Variants in GSDME observed in about 807,000 individuals in gnomAD.
GSDME encodes the protein gasdermin-E.
GSDME carries 44 observed loss-of-function variants against 47.5 expected under a neutral mutation model. The observed-to-expected ratio is 0.93, with a 90% CI of 0.73 to 1.19. The LOEUF is 1.19. Among genes scored for constraint, GSDME ranks in the 50% most tolerant of loss-of-function variants. GSDME has a pLI of 0.00. For synonymous variants in GSDME, 258 were observed against 252.8 expected (o/e 1.02, Z -0.20); for missense variants, 663 against 604.2 (o/e 1.10, Z -1.02).
At chr7:24,782,182 C>T in the GSDME span, among the ~76,000 whole-genome samples, 7 of 151,992 alleles carry the variant, frequency 4.6e-5, no homozygotes, top group South Asian at 1.0e-3. Context: ...TCGTCATTTA[C>T]GTTAGGTATA....
At chr7:24,748,037 T>C (rs1310729916) in intron 2 of GSDME, among the ~76,000 whole-genome samples, 2 of 151,882 alleles carry the variant, frequency 1.3e-5, no homozygotes, top group African/African-American at 4.8e-5. Flanking sequence ...CAAAGGAATA[T>C]TATGTGTTTG....
At chr7:24,713,213 G>T (rs1260051581) in intron 5 of GSDME, among the ~76,000 whole-genome samples, 1 of 152,162 alleles carries the variant, frequency 6.6e-6, no homozygotes, top group Non-Finnish European at 1.5e-5. Flanking sequence ...CAGGAACTCA[G>T]CAAGGCCTGT....
the GSDME span, among the ~76,000 whole-genome samples, chr7:24,793,928 G>A: frequency 6.6e-6 from 1 of 152,110 alleles, no homozygotes; most frequent in East Asian, 1.9e-4. Context: ...GCCATCCACG[G>A]GTTACTGGGT....
rs572650925 is a variant in GSDME at position 24,704,505 on chromosome 7, A to G, written c.1184-1672T>C. On this transcript the variant is annotated intron_variant, in intron 8 of 9. Transcript: ENST00000645220. ...GGGCGGAGGATTAGCAAGAGCACAAATGGAAGGGCTGTATGCCAGCCTGGC... is the reference window on the plus strand; with the variant it reads ...GGGCGGAGGATTAGCAAGAGCACAAGTGGAAGGGCTGTATGCCAGCCTGGC... 7.2e-5 allele frequency: 11 copies of G among 152,336 alleles called. No individual in the cohort carries two copies. The South Asian group carries it at 2.3e-3, about 32-fold the overall frequency. 9.4% of individuals were successfully genotyped at this position (152,336 alleles called of 1,614,324 possible). A position where few individuals can be genotyped will look rare whatever the true frequency, so the allele number is the denominator to read the frequency against.
At chr7:24,702,292 C>G (rs1189996034) in intron 9 of GSDME, 2 of 242,540 alleles carry the variant, frequency 8.2e-6, no homozygotes, top group African/African-American at 2.2e-5. Flanking sequence ...GGGCACCAAG[C>G]TAACGATATT....
chr7:24,757,039 G>A lies in GSDME; in HGVS notation c.-20+357C>T, dbSNP rs1192687059. Among the ~76,000 whole-genome samples, 1 of 151,084 alleles carries A rather than the reference G, an allele frequency of 6.6e-6. No individual in the cohort carries two copies. Among genetic ancestry groups the A allele is most frequent in the Admixed American group, 6.6e-5 (1 of 15,176 alleles). On this transcript the variant is annotated intron_variant, in intron 1 of 9. Transcript: ENST00000645220. This position sits in a 1 kb window ranked among gnomAD's most constrained non-coding sequence, Gnocchi z 5.9. Reference sequence around the variant, plus strand: ...ATGAACGAATGGGGAGGGGGGGTTTGGGGGGTTGGGAGAACGAAAATACCA... The same window carrying A: ...ATGAACGAATGGGGAGGGGGGGTTTAGGGGGTTGGGAGAACGAAAATACCA...
the GSDME span, among the ~76,000 whole-genome samples, chr7:24,794,346 C>T: frequency 2.7e-5 from 4 of 150,736 alleles, no homozygotes; most frequent in Non-Finnish European, 5.9e-5. Flanking sequence ...CTTGCCTCTG[C>T]CAGCCGCTTA....
chr7:24,707,874 A>G, intron 7 of GSDME: 6 of 579,532 alleles, frequency 1.0e-5, no homozygotes, highest in Admixed American at 3.1e-5. Flanking sequence ...GGGCTCCAAA[A>G]CTATGAGAGA....
At chr7:24,782,141 T>G in the GSDME span, among the ~76,000 whole-genome samples, 1 of 152,184 alleles carries the variant, frequency 6.6e-6, no homozygotes, top group African/African-American at 2.4e-5. Flanking sequence ...TATGTTTACA[T>G]GTGCCATGTT....
At chr7:24,789,001 AG>A in the GSDME span, among the ~76,000 whole-genome samples, 1 of 152,190 alleles carries the variant, frequency 6.6e-6, no homozygotes, top group Non-Finnish European at 1.5e-5. Flanking sequence ...GGATCCAATC[AG>A]GGTTCGTGAA....
At chr7:24,748,840 C>T (rs1253103130) in intron 2 of GSDME, among the ~76,000 whole-genome samples, 2 of 152,192 alleles carry the variant, frequency 1.3e-5, no homozygotes, top group Non-Finnish European at 2.9e-5. Flanking sequence ...TCCTTATCCC[C>T]TTCTCTGTGG....
chr7:24,726,599 G>A lies in GSDME; in HGVS notation c.405-7381C>T, dbSNP rs1392652179. On this transcript the variant is annotated intron_variant, in intron 3 of 9. Coordinates refer to ENST00000645220, the MANE Select transcript of GSDME (RefSeq NM_001127453.2). This position sits in a 1 kb window ranked among gnomAD's most constrained non-coding sequence, Gnocchi z 5.6. ...AGCACTTTGGGAGGCCGAGGCGGGCGGATCACGAGGTCAGGAGATCGAGAC... is the reference window on the plus strand; with the variant it reads ...AGCACTTTGGGAGGCCGAGGCGGGCAGATCACGAGGTCAGGAGATCGAGAC... Among the ~76,000 whole-genome samples, 3 of 152,106 alleles carry A rather than the reference G, an allele frequency of 2.0e-5. No individual in the cohort carries two copies. Among genetic ancestry groups the A allele is most frequent in the South Asian group, 2.1e-4 (1 of 4,808 alleles).
chr7:24,715,213 G>A (rs1404918343), intron 5 of GSDME, among the ~76,000 whole-genome samples: 1 of 152,138 alleles, frequency 6.6e-6, no homozygotes, highest in African/African-American at 2.4e-5. Context: ...TGGGAGAAAT[G>A]GGGAGATGTT....
Position 24,744,253 on chromosome 7 carries a change from T to C in GSDME, c.404+309A>G, listed in dbSNP as rs1327237951. On this transcript the variant is annotated intron_variant, in intron 3 of 9. Transcript: ENST00000645220. This position sits in a 1 kb window ranked among gnomAD's most constrained non-coding sequence, Gnocchi z 4.5. ...ACTTCCTGGCTTCTAAAGTTAATAT[T>C]CAAAAATGCAGGACAGAGCATTTTT... The C allele has an allele frequency of 2.8e-6, 1 of 351,038 alleles. No individual in the cohort carries two copies. The highest frequency in any genetic ancestry group is 6.5e-5 in the East Asian group (1 of 15,460). 21.7% of individuals were successfully genotyped at this position (351,038 alleles called of 1,614,324 possible).
upstream of GSDME, chr7:24,757,805 C>G (rs1241266987): frequency 2.0e-5 from 3 of 152,350 alleles, no homozygotes; most frequent in Admixed American, 6.5e-5. The surrounding 1 kb of genome is among the most constrained non-coding windows in gnomAD (Gnocchi z 5.9). Flanking sequence ...TTGAGAGCGG[C>G]GCCTCCTCGC....
chr7:24,705,780 G>C lies in GSDME; in HGVS notation c.1183+404C>G. ...GAGCACGCAGGGTGGGGAATAACAA[G>C]TTTGCAAAGATCAGAAGGACTGAAA... On this transcript the variant is annotated intron_variant, in intron 8 of 9. Coordinates refer to ENST00000645220, the MANE Select transcript of GSDME (RefSeq NM_001127453.2). The surrounding 1 kb of genome is among the most constrained non-coding windows in gnomAD (Gnocchi z 4.1). The C allele has an allele frequency of 2.9e-6, 1 of 339,100 alleles. No individual in the cohort carries two copies. The highest frequency in any genetic ancestry group is 5.7e-6 in the Non-Finnish European group (1 of 174,538). The allele number at this position is 339,100 out of a possible 1,614,324, so 21.0% of individuals were successfully genotyped here. A position where few individuals can be genotyped will look rare whatever the true frequency, so the allele number is the denominator to read the frequency against.
chr7:24,709,397 A>T (rs564136720), intron 6 of GSDME, among the ~76,000 whole-genome samples: 9 of 150,586 alleles, frequency 6.0e-5, no homozygotes, highest in African/African-American at 2.2e-4. Flanking sequence ...ATCTCAAGGA[A>T]GCCAAGATAG....
At chr7:24,722,788 CAA>C (rs1789837356) in intron 3 of GSDME, among the ~76,000 whole-genome samples, 1 of 152,216 alleles carries the variant, frequency 6.6e-6, no homozygotes. Context: ...CCTCAAACAC[CAA>C]AAGAGAGGGG....
chr7:24,713,993 A>T (rs1789451966), intron 5 of GSDME, among the ~76,000 whole-genome samples: 1 of 152,206 alleles, frequency 6.6e-6, no homozygotes, highest in Admixed American at 6.5e-5. Flanking sequence ...AGATGGTGTT[A>T]GGGCCAGTGG....
Sources: gnomAD v4.1 joint callset for allele counts (sites outside exome capture counted in the v4.1 genomes callset) on GRCh38, gnomAD v4.1.1 for gene constraint, Gnocchi (gnomAD v3.1) non-coding constraint, MANE v1.5 for transcripts, NCBI Gene and HGNC (gene_info 2026-07-23, HGNC 2026-07-21) for gene names.